Variants in NAA25 observed in about 807,000 individuals in gnomAD.
NAA25 encodes N-alpha-acetyltransferase 25, NatB auxiliary subunit.
Under a neutral mutation model 132.5 loss-of-function variants are expected in NAA25, and 30 were observed. That is an observed-to-expected ratio of 0.23 (90% CI 0.17 to 0.31). The LOEUF is 0.31. Among genes scored for constraint, NAA25 ranks in the 10% least tolerant of loss-of-function variants. NAA25 has a pLI of 1.00. For synonymous variants in NAA25, 359 were observed against 401.9 expected (o/e 0.89, Z 1.28); for missense variants, 771 against 1,150.4 (o/e 0.67, Z 4.77).
Position 112,043,088 on chromosome 12 carries a change from C to T in NAA25, c.2374G>A (p.Glu792Lys). 2 of 1,608,312 alleles carry T rather than the reference C, an allele frequency of 1.2e-6. No homozygotes were observed. The highest frequency in any genetic ancestry group is 1.7e-6 in the Non-Finnish European group (2 of 1,177,284). The change falls in exon 19 of 24, where the codon GAG (glutamate) becomes AAG (lysine). Residue 792 changes from glutamate (E) to lysine (K), a missense_variant and splice_region_variant. Glu to Lys is a moderately conservative substitution (Grantham distance 56). Coordinates refer to ENST00000261745, the MANE Select transcript of NAA25 (RefSeq NM_024953.4). ...CTATAAACACACAGTGTACACTTACCTAAACCACTGGTATCCAGCTCATAA... is the reference window on the plus strand; with the variant it reads ...CTATAAACACACAGTGTACACTTACTTAAACCACTGGTATCCAGCTCATAA... ...DIYELDTSGL[E>K]DTMEIQERIE... is the part of the protein sequence containing the mutation.
At chr12:112,063,167 C>T (rs1398222155) in intron 11 of NAA25, among the ~76,000 whole-genome samples, 2 of 151,940 alleles carry the variant, frequency 1.3e-5, no homozygotes, top group African/African-American at 2.4e-5. Context: ...TAGTAACTTA[C>T]GTTGCCAAGA....
intron 4 of NAA25, among the ~76,000 whole-genome samples, chr12:112,086,073 T>TATATATATACAC (rs759148501): frequency 1.6e-3 from 89 of 53,950 alleles, no homozygotes; most frequent in African/African-American, 6.4e-3. Context: ...TATATATATA[T>TATATATATACAC]ACACACACAC....
rs1193631651 is a variant in NAA25, at chr12:112,093,046, G to C, written c.144+5C>G. The stretch of plus-strand genomic sequence containing the variant: ...GGTAAGTAACTGAAGGGCAAATGAA[G>C]TTACCTTAGCACAATGAAGATCCTT... On this transcript the variant is annotated splice_donor_5th_base_variant and intron_variant, in intron 2 of 23. Transcript: ENST00000261745. The C allele has an allele frequency of 6.3e-7, 1 of 1,597,260 alleles. No homozygotes were observed. Among genetic ancestry groups the C allele is most frequent in the African/African-American group, 1.3e-5 (1 of 74,236 alleles).
intron 11 of NAA25, among the ~76,000 whole-genome samples, chr12:112,064,890 T>C (rs1174199806): frequency 6.6e-6 from 1 of 151,596 alleles, no homozygotes; most frequent in Non-Finnish European, 1.5e-5. Flanking sequence ...CAGAATTAGC[T>C]GGGCATGGTG....
At chr12:112,108,655 C>A in intron 1 of NAA25, 61 bp downstream of exon 1, 3 of 1,392,342 alleles carry the variant, frequency 2.2e-6, no homozygotes, top group Non-Finnish European at 2.8e-6. Flanking sequence ...TGGGCTTTCG[C>A]CCCAGCCTCG....
At chr12:112,072,115 C>T (rs367603317) in intron 9 of NAA25, 51 bp from the exon 10 acceptor site, 16 of 1,489,754 alleles carry the variant, frequency 1.1e-5, no homozygotes, top group African/African-American at 7.0e-5. Context: ...TTGTCCTTCC[C>T]GAAGCTTAAA....
At position 112,054,538 on chromosome 12, in the gene NAA25, G is replaced by T; in HGVS notation, c.1478C>A (p.Thr493Asn). 1.9e-6 allele frequency: 3 copies of T among 1,613,940 alleles called. No homozygotes were observed. ...ATGGGTTAATCCCTCTTCCAGCAAA[G>T]TCAGGGCCTGCCACACAGTGGTCTC... ...GDETTVWQALTLLEEGLTHSP... is the reference protein window; with the variant it reads ...GDETTVWQALNLLEEGLTHSP... The change falls in exon 14 of 24, where the codon ACT becomes AAT. Residue 493 changes from threonine (T) to asparagine (N), a missense_variant. By Grantham distance (65) the Thr-to-Asn change is moderately conservative. Around this residue, in one of 3 missense-constraint regions of NAA25, gnomAD observed 417 missense variants for 733.8 expected, o/e 0.57. Coordinates refer to ENST00000261745, the MANE Select transcript of NAA25 (RefSeq NM_024953.4).
At chr12:112,068,469 A>C (rs993145865) in intron 11 of NAA25, among the ~76,000 whole-genome samples, 3 of 152,200 alleles carry the variant, frequency 2.0e-5, no homozygotes, top group African/African-American at 7.2e-5. Context: ...GAGTAAGTTC[A>C]ACAGATGAGA....
rs529146899 is a variant in NAA25 at position 112,028,677 on chromosome 12, A to C, written c.*854T>G. On this transcript the variant is annotated 3_prime_UTR_variant, in exon 24 of 24. Transcript: ENST00000261745. Reference sequence around the variant, plus strand: ...ATATGACTCACAAAACCAATGAAATAAGTATCATACTTGCCTGCATAAATT... The same window carrying C: ...ATATGACTCACAAAACCAATGAAATCAGTATCATACTTGCCTGCATAAATT... 6.6e-6 allele frequency: 1 copy of C among 152,120 alleles called. No homozygotes were observed. Among genetic ancestry groups the C allele is most frequent in the Non-Finnish European group, 1.5e-5 (1 of 68,028 alleles). 9.4% of individuals were successfully genotyped at this position (152,120 alleles called of 1,614,324 possible).
intron 21 of NAA25, chr12:112,039,955 C>A (rs1288293157): frequency 6.4e-6 from 1 of 155,436 alleles, no homozygotes; most frequent in African/African-American, 2.4e-5. Flanking sequence ...ACAGTGTACA[C>A]TCCCCACACA....
At chr12:112,072,416 TG>T (rs1289188390) in intron 9 of NAA25, among the ~76,000 whole-genome samples, 1 of 151,858 alleles carries the variant, frequency 6.6e-6, no homozygotes, top group Non-Finnish European at 1.5e-5. Flanking sequence ...GAGACCAGCC[TG>T]GCCAAGATGG....
intron 15 of NAA25, among the ~76,000 whole-genome samples, chr12:112,053,025 T>G (rs1196245354): frequency 6.6e-6 from 1 of 152,226 alleles, no homozygotes; most frequent in Non-Finnish European, 1.5e-5. Context: ...TCCCATCCTT[T>G]CATTATGGCA....
intron 22 of NAA25, 48 bp from the exon 23 acceptor site, chr12:112,033,427 C>T (rs754877532): frequency 2.0e-6 from 3 of 1,513,224 alleles, no homozygotes; most frequent in Non-Finnish European, 2.7e-6. Context: ...AACATATTAC[C>T]CATATCTACA....
At chr12:112,092,871 T>G (rs1335547214) in intron 2 of NAA25, among the ~76,000 whole-genome samples, 180 bp downstream of exon 2, 1 of 151,916 alleles carries the variant, frequency 6.6e-6, no homozygotes, top group Admixed American at 6.6e-5. Flanking sequence ...AGAGACAGGG[T>G]TTCACCATGT....
rs2078626231 is a variant in NAA25 at position 112,061,250 on chromosome 12, T to C, written c.1288A>G (p.Met430Val). The change falls in exon 12 of 24, where the codon ATG becomes GTG. Residue 430 changes from methionine (M) to valine (V), a missense_variant. By Grantham distance (21) the Met-to-Val change is conservative. Coordinates refer to ENST00000261745, the MANE Select transcript of NAA25 (RefSeq NM_024953.4). Reference protein sequence around the residue: ...LTRLLGLYHTMDKNQKLSVVR... With the variant: ...LTRLLGLYHTVDKNQKLSVVR... Reference sequence around the variant, plus strand: ...ACACTCAATTTCTGATTTTTATCCATGGTGTGGTACAAGCCAAGTAACCTC... The same window carrying C: ...ACACTCAATTTCTGATTTTTATCCACGGTGTGGTACAAGCCAAGTAACCTC... The C allele has an allele frequency of 1.2e-6, 2 of 1,614,188 alleles. No individual in the cohort carries two copies. Among genetic ancestry groups the C allele is most frequent in the South Asian group, 1.1e-5 (1 of 91,086 alleles).
intron 11 of NAA25, among the ~76,000 whole-genome samples, chr12:112,064,713 C>G (rs1048028512): frequency 4.6e-5 from 7 of 152,138 alleles, no homozygotes; most frequent in Non-Finnish European, 8.8e-5. Context: ...TACAGTTTTA[C>G]TGCTGTGCAA....
intron 6 of NAA25, among the ~76,000 whole-genome samples, 154 bp from the exon 7 acceptor site, chr12:112,078,420 A>G (rs1168755173): frequency 6.6e-6 from 1 of 151,998 alleles, no homozygotes; most frequent in Non-Finnish European, 1.5e-5. Context: ...TTCTCCATCT[A>G]TATCTCTCCC....
chr12:112,070,276 C>A (rs1171769113), intron 10 of NAA25, among the ~76,000 whole-genome samples: 2 of 152,134 alleles, frequency 1.3e-5, no homozygotes, highest in African/African-American at 4.8e-5. Flanking sequence ...GCAATAAGAT[C>A]ATAAAGAATC....
At chr12:112,041,912 T>A (rs1197286082) in intron 20 of NAA25, 127 bp downstream of exon 20, 9 of 574,504 alleles carry the variant, frequency 1.6e-5, no homozygotes, top group Non-Finnish European at 2.4e-5. Flanking sequence ...CTAGGAGTAT[T>A]GACTCCAAAG....
Sources: allele counts gnomAD v4.1 joint callset (sites outside exome capture counted in the v4.1 genomes callset), GRCh38; gene constraint gnomAD v4.1.1; regional missense constraint gnomAD v4.1.1; transcripts MANE v1.5; gene names NCBI Gene and HGNC (gene_info 2026-07-23, HGNC 2026-07-21).